The following XYLT1 variants were observed in gnomAD, a reference collection of about 807,000 sequenced individuals.
The protein encoded by XYLT1 is beta-D-xylosyltransferase 1.
In XYLT1, 36 loss-of-function variants were observed where a neutral mutation model predicts 91.3. The observed-to-expected ratio is 0.39, with a 90% CI of 0.30 to 0.52. The LOEUF is 0.52. Ranked by LOEUF, XYLT1 falls within the 20% of genes least tolerant of loss-of-function variation. The pLI is 0.68. For synonymous variants in XYLT1, 588 were observed against 532.0 expected (o/e 1.11, Z -1.45); for missense variants, 1,242 against 1,284.5 (o/e 0.97, Z 0.51).
At chr16:17,363,660 C>T (rs2035411657) in intron 1 of XYLT1, among the ~76,000 whole-genome samples, 1 of 152,188 alleles carries the variant, frequency 6.6e-6, no homozygotes, top group Admixed American at 6.5e-5. Context: ...CTGCCTCAGC[C>T]TCCCGAGTAG....
chr16:17,403,859 G>A (rs1016535033), intron 1 of XYLT1, among the ~76,000 whole-genome samples: 10 of 152,118 alleles, frequency 6.6e-5, no homozygotes, highest in African/African-American at 1.4e-4. Flanking sequence ...ATTGAGAGCC[G>A]TCCTCCAAGA....
chr16:17,401,407 G>C (rs1349759536), intron 1 of XYLT1, among the ~76,000 whole-genome samples: 1 of 152,166 alleles, frequency 6.6e-6, no homozygotes, highest in Non-Finnish European at 1.5e-5. Flanking sequence ...TTTAGCATTT[G>C]CAAGCTGAAG....
At chr16:17,158,622 T>G (rs1262720261) in intron 6 of XYLT1, among the ~76,000 whole-genome samples, 2 of 152,168 alleles carry the variant, frequency 1.3e-5, no homozygotes, top group African/African-American at 4.8e-5. Context: ...TGTCACACCA[T>G]GAGAAACATC....
In XYLT1 at chr16:17,220,764, C is replaced by T. The variant is rs189292490; in HGVS notation, c.914-20110G>A. On this transcript the variant is annotated intron_variant, in intron 3 of 11. Transcript: ENST00000261381. ...TTGGGATAACAGGTGTGAGCCACCACGTTCGGCCTGTGTTAACTTCTGATG... is the reference window on the plus strand; with the variant it reads ...TTGGGATAACAGGTGTGAGCCACCATGTTCGGCCTGTGTTAACTTCTGATG... 2.6e-4 allele frequency among the ~76,000 whole-genome samples: 40 copies of T among 152,342 alleles called. No individual in the cohort carries two copies. The East Asian group carries it at 3.3e-3, about 12-fold the overall frequency.
chr16:17,185,728 C>T (rs1284765984), intron 5 of XYLT1, among the ~76,000 whole-genome samples: 1 of 152,166 alleles, frequency 6.6e-6, no homozygotes, highest in Admixed American at 6.5e-5. Flanking sequence ...TGGCTGGGTG[C>T]AGTGGCTCAC....
intron 3 of XYLT1, among the ~76,000 whole-genome samples, chr16:17,203,843 T>C (rs886297136): frequency 1.3e-5 from 2 of 152,234 alleles, no homozygotes; most frequent in Admixed American, 6.5e-5. Context: ...TATGGGGCCT[T>C]TGAGATTAAC....
chr16:17,400,693 G>A (rs2035955871), intron 1 of XYLT1, among the ~76,000 whole-genome samples: 1 of 150,924 alleles, frequency 6.6e-6, no homozygotes, highest in Admixed American at 6.6e-5. Context: ...CTAACTTGCA[G>A]TTTAGGAGGA....
chr16:17,290,986 G>A (rs923399543), intron 2 of XYLT1, among the ~76,000 whole-genome samples: 13 of 152,188 alleles, frequency 8.5e-5, no homozygotes, highest in African/African-American at 2.9e-4. Flanking sequence ...CCAGGCTGGA[G>A]TGCAATGGCG....
intron 11 of XYLT1, among the ~76,000 whole-genome samples, chr16:17,111,138 C>T (rs987312188): frequency 7.2e-5 from 11 of 151,916 alleles, no homozygotes; most frequent in Non-Finnish European, 1.6e-4. Flanking sequence ...CCAGCCTGGT[C>T]GATAGAGTGA....
chr16:17,413,379 A>G (rs993825941), intron 1 of XYLT1, among the ~76,000 whole-genome samples: 3 of 151,364 alleles, frequency 2.0e-5, no homozygotes, highest in Admixed American at 6.6e-5. Context: ...GCATTTGTCT[A>G]TTTGCCATCC....
Position 17,470,860 on chromosome 16 carries a change from TC to T in XYLT1, c.-65del, listed in dbSNP as rs2036982856. 4 of 836,412 alleles carry T rather than the reference TC, an allele frequency of 4.8e-6. No homozygotes were observed. The highest frequency in any genetic ancestry group is 6.1e-4 in the Middle Eastern group (1 of 1,634). The allele number at this position is 836,412 out of a possible 1,614,324, so 51.8% of individuals were successfully genotyped here. ...GGCACGCTCCGGGCCGCCCCCGCGC[TC>T]CCCGCAGCTCCCGCGGCCGCCGGCT... On this transcript the variant is annotated 5_prime_UTR_variant, in exon 1 of 12. Coordinates refer to ENST00000261381, the MANE Select transcript of XYLT1 (RefSeq NM_022166.4).
intron 3 of XYLT1, among the ~76,000 whole-genome samples, chr16:17,206,381 C>T (rs1366620429): frequency 6.6e-6 from 1 of 151,812 alleles, no homozygotes; most frequent in Admixed American, 6.6e-5. Flanking sequence ...GAAAGAATCC[C>T]CTGCTCTCGA....
At chr16:17,138,184 A>ACATCCCTGAAGTAG in intron 8 of XYLT1, 171 bp downstream of exon 8, 2 of 714,952 alleles carry the variant, frequency 2.8e-6, no homozygotes, top group Non-Finnish European at 4.5e-6. Context: ...CCCTGAAGTA[A>ACATCCCTGAAGTAG]GTGCTCAATA....
At chr16:17,441,876 A>C (rs1197490751) in intron 1 of XYLT1, among the ~76,000 whole-genome samples, 2 of 152,118 alleles carry the variant, frequency 1.3e-5, no homozygotes, top group Non-Finnish European at 2.9e-5. Context: ...CAAAGCGTTA[A>C]AGTTATTTTT....
At chr16:17,314,140 T>C (rs972213736) in intron 2 of XYLT1, among the ~76,000 whole-genome samples, 1 of 152,222 alleles carries the variant, frequency 6.6e-6, no homozygotes, top group Non-Finnish European at 1.5e-5. Flanking sequence ...AGTCGACTCT[T>C]GTCCAGAAAT....
chr16:17,374,332 G>C (rs1489888501), intron 1 of XYLT1, among the ~76,000 whole-genome samples: 1 of 152,166 alleles, frequency 6.6e-6, no homozygotes, highest in Non-Finnish European at 1.5e-5. Flanking sequence ...GAAGGAGCTT[G>C]AGTCTTATCC....
At chr16:17,148,218 T>TAAGCGCTGTTCTA (rs1383811506) in intron 6 of XYLT1, among the ~76,000 whole-genome samples, 2 of 152,228 alleles carry the variant, frequency 1.3e-5, no homozygotes, top group Non-Finnish European at 2.9e-5. Flanking sequence ...AAGTGTTTAG[T>TAAGCGCTGTTCTA]AAGCGCTGTT....
chr16:17,205,169 G>T (rs555454103), intron 3 of XYLT1, among the ~76,000 whole-genome samples: 30 of 152,292 alleles, frequency 2.0e-4, no homozygotes, highest in Middle Eastern at 3.4e-3. Context: ...GATGATGGGG[G>T]GTCCCGGAGA....
In XYLT1 at chr16:17,419,305, G is replaced by A. The variant is rs544857793; in HGVS notation, c.363+51129C>T. On this transcript the variant is annotated intron_variant, in intron 1 of 11. Transcript: ENST00000261381. ...TGCAGAGAGCCAGGATGGTACCACT[G>A]CGCTCCAGCCTGGGCGACAGAGCAA... Among the ~76,000 whole-genome samples the A allele has an allele frequency of 2.8e-3, 425 of 152,126 alleles. 3 individuals are homozygous for A. The highest frequency in any genetic ancestry group is 9.8e-3 in the African/African-American group (406 of 41,518).
Sources: allele counts gnomAD v4.1 joint callset (sites outside exome capture counted in the v4.1 genomes callset), GRCh38; gene constraint gnomAD v4.1.1; transcripts MANE v1.5; gene names NCBI Gene and HGNC (gene_info 2026-07-23, HGNC 2026-07-21).